Variants in SLC10A7 observed in about 807,000 individuals in gnomAD.
The protein encoded by SLC10A7 is solute carrier family 10 member 7, also known as sodium/bile acid cotransporter 7.
A neutral mutation model predicts 43.2 loss-of-function variants in SLC10A7; 29 were observed. That is an observed-to-expected ratio of 0.67 (90% CI 0.50 to 0.92). SLC10A7 has a LOEUF of 0.92. Among genes scored for constraint, SLC10A7 ranks in the 40% least tolerant of loss-of-function variants. The pLI is 0.00. For missense variants in SLC10A7, 295 were observed against 403.2 expected, an observed-to-expected ratio of 0.73 and a Z score of 2.30; for synonymous variants, 152 against 144.8, an observed-to-expected ratio of 1.05 and a Z score of -0.35.
intron 3 of SLC10A7, among the ~76,000 whole-genome samples, chr4:146,507,698 G>A (rs1039011216): frequency 1.3e-5 from 2 of 152,210 alleles, no homozygotes; most frequent in Admixed American, 6.5e-5. Context: ...CCTATTCAAT[G>A]TTCCCTCTAC....
intron 5 of SLC10A7, among the ~76,000 whole-genome samples, chr4:146,328,465 G>C (rs998323861): frequency 6.6e-6 from 1 of 152,164 alleles, no homozygotes; most frequent in African/African-American, 2.4e-5. Context: ...ACACCTGTTT[G>C]CATCATCGGT....
intron 4 of SLC10A7, among the ~76,000 whole-genome samples, chr4:146,474,604 C>T (rs1413594809): frequency 6.6e-6 from 1 of 151,952 alleles, no homozygotes; most frequent in Non-Finnish European, 1.5e-5. Context: ...GCAACTTATG[C>T]AGCTAGAATA....
intron 6 of SLC10A7, among the ~76,000 whole-genome samples, chr4:146,313,770 C>T (rs565990363): frequency 2.4e-4 from 36 of 152,180 alleles, no homozygotes; most frequent in African/African-American, 7.0e-4. Context: ...TGGTCTCTTT[C>T]GCTGACCTAG....
intron 5 of SLC10A7, among the ~76,000 whole-genome samples, chr4:146,424,410 C>T (rs550302132): frequency 6.6e-6 from 1 of 152,134 alleles, no homozygotes; most frequent in African/African-American, 2.4e-5. Flanking sequence ...CCTGTAATCC[C>T]AGCACTTTAG....
chr4:146,450,539 T>G (rs17021529), intron 4 of SLC10A7, among the ~76,000 whole-genome samples: 2,664 of 152,130 alleles, frequency 0.018, 67 homozygotes, highest in African/African-American at 0.061. Flanking sequence ...CTCATGCCCA[T>G]GAAGAAATGA....
chr4:146,513,275 T>C (rs966741285), intron 2 of SLC10A7, among the ~76,000 whole-genome samples: 2 of 151,914 alleles, frequency 1.3e-5, no homozygotes, highest in African/African-American at 4.8e-5. Context: ...AATATTAAAT[T>C]ACATTAAAAG....
At chr4:146,428,144 A>T (rs1014577137) in intron 5 of SLC10A7, among the ~76,000 whole-genome samples, 6 of 152,138 alleles carry the variant, frequency 3.9e-5, no homozygotes, top group African/African-American at 1.2e-4. Context: ...ACCACACTGC[A>T]CTCCAACTTT....
At chr4:146,268,227 G>A (rs1449816220) in intron 10 of SLC10A7, among the ~76,000 whole-genome samples, 2 of 152,010 alleles carry the variant, frequency 1.3e-5, no homozygotes, top group African/African-American at 2.4e-5. Context: ...GGAACTATTC[G>A]GCTATGCTAA....
chr4:146,434,814 G>A (rs921526707), intron 5 of SLC10A7, among the ~76,000 whole-genome samples: 3 of 151,990 alleles, frequency 2.0e-5, no homozygotes, highest in Non-Finnish European at 2.9e-5. Context: ...CACTAGCCTC[G>A]GCCTCCCAAA....
At chr4:146,444,626 T>C (rs983580294) in intron 4 of SLC10A7, among the ~76,000 whole-genome samples, 1 of 152,226 alleles carries the variant, frequency 6.6e-6, no homozygotes, top group Non-Finnish European at 1.5e-5. Flanking sequence ...TTTATATGAA[T>C]TGGCCTATAT....
intron 5 of SLC10A7, among the ~76,000 whole-genome samples, chr4:146,424,736 G>T (rs1273971808): frequency 6.6e-6 from 1 of 151,744 alleles, no homozygotes; most frequent in African/African-American, 2.4e-5. Flanking sequence ...AACCATATTT[G>T]AGACTCTGAA....
At chr4:146,465,410 C>T (rs1252322552) in intron 4 of SLC10A7, among the ~76,000 whole-genome samples, 2 of 152,130 alleles carry the variant, frequency 1.3e-5, no homozygotes, top group African/African-American at 2.4e-5. Flanking sequence ...GTTATTCTGG[C>T]AGCCTTTTGA....
chr4:146,318,961 A>T (rs1732509335), intron 6 of SLC10A7, among the ~76,000 whole-genome samples: 1 of 152,056 alleles, frequency 6.6e-6, no homozygotes, highest in Admixed American at 6.6e-5. Flanking sequence ...AGCTAACAGG[A>T]TCACTTGCCA....
intron 6 of SLC10A7, among the ~76,000 whole-genome samples, chr4:146,306,759 G>A (rs1408300650): frequency 6.6e-6 from 1 of 152,090 alleles, no homozygotes; most frequent in Non-Finnish European, 1.5e-5. Flanking sequence ...GTCTTCCTAT[G>A]GAACTTTTCA....
rs765135958 is a variant in SLC10A7, at chr4:146,393,191, CAAAAAAAAAAAA to C, written c.435+49580_435+49591del. Among the ~76,000 whole-genome samples, 7 of 42,076 alleles carry C rather than the reference CAAAAAAAAAAAA, an allele frequency of 1.7e-4. No individual in the cohort carries two copies. In the Admixed American group the frequency reaches 2.1e-3, roughly 13 times the overall value. The allele number at this position is 42,076 out of a possible 152,430, so 27.6% of individuals were successfully genotyped here. A position where few individuals can be genotyped will look rare whatever the true frequency, so the allele number is the denominator to read the frequency against. On this transcript the variant is annotated intron_variant, in intron 5 of 11. Coordinates refer to ENST00000335472, the MANE Select transcript of SLC10A7 (RefSeq NM_001029998.6). The stretch of plus-strand genomic sequence containing the variant: ...TGGATGACAGAGCAAGGCCCTGTCT[CAAAAAAAAAAAA>C]AAAAAAAAAAAAAAAAAGTCAATTG...
intron 4 of SLC10A7, among the ~76,000 whole-genome samples, chr4:146,458,742 G>T (rs1034084048): frequency 6.6e-6 from 1 of 151,768 alleles, no homozygotes; most frequent in East Asian, 1.9e-4. Context: ...GTAGGCCTCT[G>T]AGCTTCTAAC....
intron 4 of SLC10A7, among the ~76,000 whole-genome samples, chr4:146,467,725 AC>A (rs1478707308): frequency 6.6e-6 from 1 of 151,688 alleles, no homozygotes; most frequent in East Asian, 1.9e-4. Context: ...AACATGCCCA[AC>A]TAATTTCTGT....
intron 5 of SLC10A7, among the ~76,000 whole-genome samples, chr4:146,368,622 G>T (rs1560840797): frequency 6.6e-6 from 1 of 152,062 alleles, no homozygotes; most frequent in Non-Finnish European, 1.5e-5. Context: ...AACCATAAAA[G>T]AATACAACTT....
Position 146,416,647 on chromosome 4 carries a change from GA to G in SLC10A7, c.435+26135del, listed in dbSNP as rs956009560. Among the ~76,000 whole-genome samples, 3 of 152,086 alleles carry G rather than the reference GA, an allele frequency of 2.0e-5. 1 individual carries two copies. The highest frequency in any genetic ancestry group is 7.2e-5 in the African/African-American group (3 of 41,416). Reference sequence around the variant, plus strand: ...GCACTACTTACCAGGAGAGTATTCAGAAAGAGAATCTGGTCTTTCTGAATAC... The same window carrying G: ...GCACTACTTACCAGGAGAGTATTCAGAAGAGAATCTGGTCTTTCTGAATAC... On this transcript the variant is annotated intron_variant, in intron 5 of 11. Transcript: ENST00000335472.
Sources: allele counts gnomAD v4.1 joint callset (sites outside exome capture counted in the v4.1 genomes callset), GRCh38; gene constraint gnomAD v4.1.1; transcripts MANE v1.5; gene names NCBI Gene and HGNC (gene_info 2026-07-23, HGNC 2026-07-21).